The following RBFOX1 variants were observed in gnomAD, a reference collection of about 807,000 sequenced individuals.
RBFOX1 encodes the protein RNA binding fox-1 homolog 1.
A neutral mutation model predicts 57.7 loss-of-function variants in RBFOX1; 8 were observed. That is an observed-to-expected ratio of 0.14 (90% CI 0.08 to 0.25). The LOEUF is 0.25. Among genes scored for constraint, RBFOX1 ranks in the 10% least tolerant of loss-of-function variants. RBFOX1 has a pLI of 1.00. For synonymous variants in RBFOX1, 326 were observed against 222.4 expected (o/e 1.47, Z -4.15); for missense variants, 611 against 548.5 (o/e 1.11, Z -1.14).
At chr16:6,809,548 A>T (rs2087873462) in intron 3 of RBFOX1, among the ~76,000 whole-genome samples, 1 of 152,180 alleles carries the variant, frequency 6.6e-6, no homozygotes, top group African/African-American at 2.4e-5. Flanking sequence ...TGTGCACCTG[A>T]GACTATATCC....
At chr16:6,861,480 A>AC (rs2058985130) in intron 3 of RBFOX1, among the ~76,000 whole-genome samples, 2 of 124,500 alleles carry the variant, frequency 1.6e-5, no homozygotes, top group East Asian at 2.8e-4. Flanking sequence ...TTCCCCTCCC[A>AC]ACCCCCTCCC....
intron 1 of RBFOX1, among the ~76,000 whole-genome samples, chr16:6,150,570 AT>A (rs1200207038): frequency 6.6e-6 from 1 of 152,198 alleles, no homozygotes; most frequent in African/African-American, 2.4e-5. Context: ...CAAGGCCAAC[AT>A]CACAGAGAGG....
At chr16:7,487,325 C>G (rs1021527361) in intron 4 of RBFOX1, among the ~76,000 whole-genome samples, 1 of 152,162 alleles carries the variant, frequency 6.6e-6, no homozygotes, top group East Asian at 1.9e-4. Flanking sequence ...TCTTGCTCCA[C>G]GCCCTCATAC....
chr16:5,730,478 C>G (rs895452097), intron 3 of RBFOX1, among the ~76,000 whole-genome samples: 2 of 152,140 alleles, frequency 1.3e-5, no homozygotes, highest in African/African-American at 2.4e-5. Flanking sequence ...AATCTATGAT[C>G]CTATCAGTGT....
At chr16:5,467,351 GC>G (rs2068985965) in intron 2 of RBFOX1, 2 of 1,186,680 alleles carry the variant, frequency 1.7e-6, no homozygotes. Context: ...CAACTTCACT[GC>G]CCAGGGCAGA....
At chr16:6,462,732 T>G (rs17440477) in intron 2 of RBFOX1, among the ~76,000 whole-genome samples, 2 of 147,136 alleles carry the variant, frequency 1.4e-5, no homozygotes, top group African/African-American at 5.0e-5. Context: ...TTGGAGCAAT[T>G]TGAAGTCTTC....
intron 3 of RBFOX1, among the ~76,000 whole-genome samples, chr16:5,628,392 G>A (rs1188207095): frequency 1.3e-5 from 2 of 151,828 alleles, no homozygotes; most frequent in African/African-American, 4.8e-5. Context: ...ATTCTCCATT[G>A]AAAGCTCAGT....
intron 12 of RBFOX1, among the ~76,000 whole-genome samples, chr16:7,654,739 C>T (rs1258024030): frequency 6.6e-6 from 1 of 152,168 alleles, no homozygotes; most frequent in Admixed American, 6.5e-5. Context: ...ACCTCTGCAG[C>T]CAGGGAGAAA....
chr16:7,127,124 A>G (rs963180508), intron 4 of RBFOX1, among the ~76,000 whole-genome samples: 9 of 152,140 alleles, frequency 5.9e-5, no homozygotes, highest in African/African-American at 2.2e-4. Context: ...GTGGTCATAA[A>G]TGGTGGCTGG....
chr16:7,628,074 A>G (rs770104528), intron 10 of RBFOX1, among the ~76,000 whole-genome samples: 8 of 152,194 alleles, frequency 5.3e-5, no homozygotes, highest in Middle Eastern at 3.2e-3. Context: ...GTGGAATTCT[A>G]TAAATTGCAT....
At chr16:6,257,523 G>T (rs944831353) in intron 1 of RBFOX1, among the ~76,000 whole-genome samples, 3 of 151,934 alleles carry the variant, frequency 2.0e-5, no homozygotes, top group African/African-American at 7.3e-5. Context: ...TTGTTGCCCA[G>T]GTTTAAACTT....
intron 4 of RBFOX1, among the ~76,000 whole-genome samples, chr16:5,923,738 A>G (rs2058883050): frequency 6.6e-6 from 1 of 151,770 alleles, no homozygotes; most frequent in Admixed American, 6.6e-5. Flanking sequence ...ATGGGGTTTC[A>G]CCATGTTGGC....
chr16:7,696,232 C>G (rs2078758910), intron 14 of RBFOX1, among the ~76,000 whole-genome samples: 1 of 152,092 alleles, frequency 6.6e-6, no homozygotes, highest in African/African-American at 2.4e-5. Context: ...TGGTTTTTCC[C>G]AAAGAATGTG....
chr16:5,786,836 G>A (rs1029278982), intron 3 of RBFOX1, among the ~76,000 whole-genome samples: 1 of 152,162 alleles, frequency 6.6e-6, no homozygotes, highest in African/African-American at 2.4e-5. Context: ...AGTGAAAGAG[G>A]TCTGAAAGGT....
intron 2 of RBFOX1, among the ~76,000 whole-genome samples, chr16:6,520,900 C>T (rs1169736325): frequency 1.3e-5 from 2 of 151,996 alleles, no homozygotes; most frequent in African/African-American, 4.8e-5. Flanking sequence ...GAAAAAAATC[C>T]AATAAAATTT....
intron 4 of RBFOX1, among the ~76,000 whole-genome samples, chr16:7,430,777 C>T (rs986298132): frequency 7.2e-5 from 11 of 152,130 alleles, no homozygotes; most frequent in Non-Finnish European, 1.5e-4. Context: ...GAAGCCTGGT[C>T]GTCTTGCTAC....
chr16:5,790,041 C>T (rs890597906), intron 3 of RBFOX1, among the ~76,000 whole-genome samples: 5 of 152,220 alleles, frequency 3.3e-5, no homozygotes, highest in African/African-American at 1.2e-4. Context: ...GGGTGTGGAG[C>T]TGGCACCCAA....
chr16:7,505,579 G>T (rs538948302), intron 4 of RBFOX1, among the ~76,000 whole-genome samples: 1 of 152,306 alleles, frequency 6.6e-6, no homozygotes, highest in South Asian at 2.1e-4. Flanking sequence ...GACTTTTAAA[G>T]AGTTGAGAAA....
intron 4 of RBFOX1, among the ~76,000 whole-genome samples, chr16:7,513,913 C>T (rs2075773498): frequency 6.6e-6 from 1 of 152,174 alleles, no homozygotes; most frequent in African/African-American, 2.4e-5. Flanking sequence ...ACTGTTTTTG[C>T]ACCATTTTCA....
Sources: allele counts gnomAD v4.1 joint callset (sites outside exome capture counted in the v4.1 genomes callset), GRCh38; gene constraint gnomAD v4.1.1; transcripts MANE v1.5; gene names NCBI Gene and HGNC (gene_info 2026-07-23, HGNC 2026-07-21).